The following MACROD2 variants were observed in gnomAD, a reference collection of about 807,000 sequenced individuals.
MACROD2 encodes the protein ADP-ribose glycohydrolase MACROD2.
In MACROD2, 36 loss-of-function variants were observed where a neutral mutation model predicts 70.4. That is an observed-to-expected ratio of 0.51 (90% CI 0.39 to 0.68). The LOEUF (loss-of-function observed/expected upper bound fraction) is 0.68, where lower values mean the gene tolerates loss of function less well. Among genes scored for constraint, MACROD2 ranks in the 30% least tolerant of loss-of-function variants. The pLI is 0.00. For missense variants in MACROD2, 496 were observed against 538.4 expected (o/e 0.92, Z 0.78); for synonymous variants, 172 against 178.8 (o/e 0.96, Z 0.30).
intron 5 of MACROD2, among the ~76,000 whole-genome samples, chr20:14,939,155 T>G (rs1467164192): frequency 6.6e-6 from 1 of 152,012 alleles, no homozygotes; most frequent in Non-Finnish European, 1.5e-5. Context: ...TTTTGAAATC[T>G]TATGCAAAAA....
chr20:14,004,391 G>C (rs1314376094), intron 2 of MACROD2, among the ~76,000 whole-genome samples: 1 of 152,116 alleles, frequency 6.6e-6, no homozygotes, highest in African/African-American at 2.4e-5. Flanking sequence ...TTTTAAACTT[G>C]AAAGTCCTCC....
chr20:15,329,078 T>C (rs2077963622), intron 6 of MACROD2, among the ~76,000 whole-genome samples: 1 of 152,066 alleles, frequency 6.6e-6, no homozygotes, highest in Non-Finnish European at 1.5e-5. Context: ...AAACAAAACA[T>C]ACAGAAAAAA....
chr20:14,842,298 C>A (rs1371802782), intron 5 of MACROD2, among the ~76,000 whole-genome samples: 1 of 152,072 alleles, frequency 6.6e-6, no homozygotes, highest in Non-Finnish European at 1.5e-5. Flanking sequence ...GAGGTCCCAC[C>A]TCTCAAGATC....
chr20:14,167,059 A>C (rs1046292752), intron 3 of MACROD2, among the ~76,000 whole-genome samples: 2 of 152,144 alleles, frequency 1.3e-5, no homozygotes, highest in African/African-American at 4.8e-5. Flanking sequence ...GCAGGTCAGC[A>C]CATGTACTCT....
chr20:15,566,158 C>T (rs2048307305), intron 8 of MACROD2, among the ~76,000 whole-genome samples: 1 of 152,050 alleles, frequency 6.6e-6, no homozygotes, highest in South Asian at 2.1e-4. Flanking sequence ...AGTTGATATC[C>T]ATTTACTCAT....
intron 3 of MACROD2, among the ~76,000 whole-genome samples, chr20:14,144,855 A>T (rs1010919252): frequency 6.6e-6 from 1 of 152,142 alleles, no homozygotes; most frequent in Non-Finnish European, 1.5e-5. Context: ...ATTGTACTGT[A>T]TGAAGTTTTT....
intron 5 of MACROD2, among the ~76,000 whole-genome samples, chr20:14,962,760 C>T (rs947538606): frequency 1.3e-5 from 2 of 150,272 alleles, no homozygotes; most frequent in African/African-American, 4.9e-5. Flanking sequence ...CCTTTTCCTC[C>T]TCTCCCTCCT....
At chr20:15,675,244 T>C (rs73897804) in intron 8 of MACROD2, among the ~76,000 whole-genome samples, 3,019 of 152,350 alleles carry the variant, frequency 0.02, 107 homozygotes, top group African/African-American at 0.069. Flanking sequence ...GGAAATTTTA[T>C]TGATCTCATA....
chr20:15,977,042 A>G (rs79014783), intron 13 of MACROD2, among the ~76,000 whole-genome samples: 1,762 of 152,280 alleles, frequency 0.012, 11 homozygotes, highest in Non-Finnish European at 0.018. Context: ...AAATTTATCA[A>G]GTGGAGCACT....
intron 5 of MACROD2, among the ~76,000 whole-genome samples, chr20:14,693,894 A>G (rs2071090640): frequency 6.6e-6 from 1 of 152,196 alleles, no homozygotes; most frequent in Admixed American, 6.5e-5. Flanking sequence ...TAAGAGAGAT[A>G]AATGGCTCTA....
chr20:15,109,404 C>T (rs570397376), intron 5 of MACROD2, among the ~76,000 whole-genome samples: 6 of 152,212 alleles, frequency 3.9e-5, no homozygotes, highest in Admixed American at 3.3e-4. Flanking sequence ...GGGAAAACAT[C>T]TTGACAGGAT....
At chr20:14,927,262 G>A (rs1253625854) in intron 5 of MACROD2, among the ~76,000 whole-genome samples, 4 of 152,126 alleles carry the variant, frequency 2.6e-5, no homozygotes, top group Non-Finnish European at 5.9e-5. Flanking sequence ...TAGAGAAAAA[G>A]AAGATTGTAG....
intron 4 of MACROD2, among the ~76,000 whole-genome samples, chr20:14,582,128 ACTAT>A (rs1981067977): frequency 6.6e-6 from 1 of 152,062 alleles, no homozygotes; most frequent in Non-Finnish European, 1.5e-5. Flanking sequence ...CTCTGAATAA[ACTAT>A]CTGTGCACAA....
At chr20:14,563,542 T>C (rs1467622236) in intron 4 of MACROD2, among the ~76,000 whole-genome samples, 2 of 151,908 alleles carry the variant, frequency 1.3e-5, no homozygotes, top group African/African-American at 4.8e-5. Flanking sequence ...GAAAAAAAAT[T>C]AGTTAAACTT....
rs966430406 is a variant in MACROD2 at position 14,105,183 on chromosome 20, A to G, written c.271+19455A>G. On this transcript the variant is annotated intron_variant, in intron 3 of 17. Coordinates refer to ENST00000684519, the MANE Select transcript of MACROD2 (RefSeq NM_001351661.2). ...CTACACAAAAAAGCACCATCACAAG[A>G]ACCAAAAATGAGATGAGGAATCATA... 4.6e-5 allele frequency among the ~76,000 whole-genome samples: 7 copies of G among 152,318 alleles called. 1 individual carries two copies. In the South Asian group the frequency reaches 1.5e-3, roughly 32 times the overall value.
intron 3 of MACROD2, among the ~76,000 whole-genome samples, chr20:14,189,680 A>T (rs900808356): frequency 1.3e-5 from 2 of 152,222 alleles, no homozygotes; most frequent in African/African-American, 4.8e-5. Context: ...ATAGAAGACA[A>T]TGTGTTTCCT....
Position 15,836,479 on chromosome 20 carries a change from G to C in MACROD2, c.646-26266G>C, listed in dbSNP as rs1021174253. Among the ~76,000 whole-genome samples the C allele has an allele frequency of 2.0e-5, 3 of 152,154 alleles. No individual in the cohort carries two copies. In the South Asian group the frequency reaches 6.2e-4, roughly 32 times the overall value. On this transcript the variant is annotated intron_variant, in intron 8 of 17. Coordinates refer to ENST00000684519, the MANE Select transcript of MACROD2 (RefSeq NM_001351661.2). Reference sequence around the variant, plus strand: ...AATGAAGGCATAATCTTTTTAGAGAGAAATACAATTCTCTCCAGATATATA... The same window carrying C: ...AATGAAGGCATAATCTTTTTAGAGACAAATACAATTCTCTCCAGATATATA...
At chr20:15,119,333 C>G (rs998499521) in intron 5 of MACROD2, among the ~76,000 whole-genome samples, 1 of 152,060 alleles carries the variant, frequency 6.6e-6, no homozygotes, top group Non-Finnish European at 1.5e-5. Context: ...ATTTTTCTTC[C>G]TATTTACAAA....
At chr20:15,081,744 A>G (rs1280741643) in intron 5 of MACROD2, among the ~76,000 whole-genome samples, 1 of 152,102 alleles carries the variant, frequency 6.6e-6, no homozygotes, top group Non-Finnish European at 1.5e-5. Context: ...CCTTCCTGCT[A>G]TTTTTTAAAA....
Sources: allele counts gnomAD v4.1 joint callset (sites outside exome capture counted in the v4.1 genomes callset), GRCh38; gene constraint gnomAD v4.1.1; transcripts MANE v1.5; gene names NCBI Gene and HGNC (gene_info 2026-07-23, HGNC 2026-07-21).